Variants in SARS1 observed in about 807,000 individuals in gnomAD.
The protein encoded by SARS1 is serine--tRNA ligase, cytoplasmic.
SARS1 carries 25 observed loss-of-function variants against 63.7 expected under a neutral mutation model. That is an observed-to-expected ratio of 0.39 (90% CI 0.29 to 0.55). The LOEUF (loss-of-function observed/expected upper bound fraction) is 0.55. SARS1 is among the 20% of genes least tolerant of loss of function. The pLI, the probability that SARS1 is intolerant of heterozygous loss-of-function variation, is 0.62. For missense variants in SARS1, 417 were observed against 649.7 expected (o/e 0.64, Z 3.89); for synonymous variants, 231 against 243.5 (o/e 0.95, Z 0.48).
Position 109,214,707 on chromosome 1 carries a change from A to G in SARS1, c.136+579A>G. On this transcript the variant is annotated intron_variant, in intron 1 of 10. Transcript: ENST00000234677. This position sits in a 1 kb window ranked among gnomAD's most constrained non-coding sequence, Gnocchi z 4.6. ...CCCCCGACCTATGGGCATACCTTTA[A>G]GAATTAGAAAAGTCTTTTCCGTGGT... 1.0e-6 allele frequency: 1 copy of G among 985,520 alleles called. No homozygotes were observed. The highest frequency in any genetic ancestry group is 4.7e-5 in the South Asian group (1 of 21,298). 61.0% of individuals were successfully genotyped at this position (985,520 alleles called of 1,614,324 possible).
chr1:109,215,499 G>A, intron 1 of SARS1: 18 of 977,872 alleles, frequency 1.8e-5, no homozygotes, highest in Non-Finnish European at 2.2e-5. Context: ...TATATATGTG[G>A]ATATACATAT....
chr1:109,213,998 G>C lies in SARS1; in HGVS notation c.6G>C (p.Val2=), dbSNP rs748471347. 5.0e-6 allele frequency: 8 copies of C among 1,612,558 alleles called. No individual in the cohort carries two copies. The Admixed American group carries it at 1.0e-4, about 20-fold the overall frequency. The change falls in exon 1 of 11, where the codon GTG becomes GTC. Residue 2 remains valine (V), a synonymous_variant. Coordinates refer to ENST00000234677, the MANE Select transcript of SARS1 (RefSeq NM_006513.4). M[V]LDLDLFRVDK... is the part of the protein sequence containing the mutation. ...TTGGCCCGGGAGGAAAGAAGATGGTGCTGGATCTGGATTTGTTTCGGGTGG... is the reference window on the plus strand; with the variant it reads ...TTGGCCCGGGAGGAAAGAAGATGGTCCTGGATCTGGATTTGTTTCGGGTGG...
intron 1 of SARS1, among the ~76,000 whole-genome samples, chr1:109,218,082 A>G (rs1183432334): frequency 6.7e-6 from 1 of 149,662 alleles, no homozygotes; most frequent in Non-Finnish European, 1.5e-5. Flanking sequence ...AGTCCCAGCT[A>G]CTCGGGTGGC....
chr1:109,217,607 C>T (rs1164208879), intron 1 of SARS1, among the ~76,000 whole-genome samples: 2 of 151,594 alleles, frequency 1.3e-5, no homozygotes, highest in Admixed American at 1.3e-4. Flanking sequence ...GTTGCCTAGG[C>T]TGGAATGCAG....
chr1:109,223,038 AT>A (rs1309119101), intron 1 of SARS1, among the ~76,000 whole-genome samples: 1 of 152,094 alleles, frequency 6.6e-6, no homozygotes, highest in Non-Finnish European at 1.5e-5. Context: ...CTTGTGCTTA[AT>A]TTTTATCATA....
intron 2 of SARS1, among the ~76,000 whole-genome samples, chr1:109,226,044 G>A: frequency 6.6e-6 from 1 of 151,782 alleles, no homozygotes; most frequent in East Asian, 1.9e-4. Flanking sequence ...CCAGGCTGGA[G>A]CGCAGTGGCA....
At position 109,228,384 on chromosome 1, in the gene SARS1, C is replaced by T; in HGVS notation, c.240C>T (p.Val80=). Residue 80 remains valine, a synonymous_variant, in exon 3 of 11, where the codon GTC becomes GTT. Coordinates refer to ENST00000234677, the MANE Select transcript of SARS1 (RefSeq NM_006513.4). ...AGCCAGTGGGAGATGATGAGTCTGTCCCAGAGAATGTGCTGAGTTTCGATG... is the reference window on the plus strand; with the variant it reads ...AGCCAGTGGGAGATGATGAGTCTGTTCCAGAGAATGTGCTGAGTTTCGATG... ...KKEPVGDDES[V]PENVLSFDDL... 1 of 1,613,748 alleles carries T rather than the reference C, an allele frequency of 6.2e-7. No homozygotes were observed. Among genetic ancestry groups the T allele is most frequent in the Non-Finnish European group, 8.5e-7 (1 of 1,179,806 alleles).
chr1:109,231,071 A>G (rs886437207), intron 5 of SARS1, 50 bp downstream of exon 5: 2 of 949,428 alleles, frequency 2.1e-6, no homozygotes, highest in Non-Finnish European at 2.6e-6. Flanking sequence ...GAAACAAAAT[A>G]TATATATATA....
In SARS1 at chr1:109,231,283, G is replaced by T. The variant is rs964922646; in HGVS notation, c.591+262G>T. 7 of 265,680 alleles carry T rather than the reference G, an allele frequency of 2.6e-5. No individual in the cohort carries two copies. The Admixed American group carries it at 3.2e-4, about 12-fold the overall frequency. The allele number at this position is 265,680 out of a possible 1,614,324, so 16.5% of individuals were successfully genotyped here. A position where few individuals can be genotyped will look rare whatever the true frequency, so the allele number is the denominator to read the frequency against. On this transcript the variant is annotated intron_variant, in intron 5 of 10. Transcript: ENST00000234677. ...AATGTCTGTTTTGCTGACTGAATCA[G>T]AACAGTCTCTGCCTTTAAGTAGCTC...
At chr1:109,224,710 A>G (rs1474969074) in intron 2 of SARS1, among the ~76,000 whole-genome samples, 2 of 152,146 alleles carry the variant, frequency 1.3e-5, no homozygotes, top group South Asian at 4.1e-4. Flanking sequence ...GAAAAATACT[A>G]TGTTTCAGCT....
At chr1:109,225,812 A>G (rs1655052071) in intron 2 of SARS1, among the ~76,000 whole-genome samples, 1 of 152,224 alleles carries the variant, frequency 6.6e-6, no homozygotes, top group African/African-American at 2.4e-5. Flanking sequence ...CCTTGAGCTC[A>G]GAACTTGAAT....
chr1:109,235,161 A>C lies in SARS1; in HGVS notation c.748-49A>C. ...TTTCTTGTGGTTTCTTATTCTAGCC[A>C]AGGTCCTCCCCACTTCCTCTTAACT... is the stretch of plus-strand genomic sequence containing the variant. On this transcript the variant is annotated intron_variant, in intron 6 of 10. Transcript: ENST00000234677. This position sits in a 1 kb window ranked among gnomAD's most constrained non-coding sequence, Gnocchi z 4.7. The C allele has an allele frequency of 6.9e-7, 1 of 1,453,158 alleles. No individual in the cohort carries two copies. The highest frequency in any genetic ancestry group is 9.7e-7 in the Non-Finnish European group (1 of 1,034,494). The allele number at this position is 1,453,158 out of a possible 1,614,324, so 90.0% of individuals were successfully genotyped here. A position where few individuals can be genotyped will look rare whatever the true frequency, so the allele number is the denominator to read the frequency against.
chr1:109,229,214 GCC>G (rs1277759476), intron 3 of SARS1, among the ~76,000 whole-genome samples, 198 bp from the exon 4 acceptor site: 7 of 152,222 alleles, frequency 4.6e-5, no homozygotes, highest in Non-Finnish European at 1.0e-4. Context: ...AAAGAAAAAT[GCC>G]GATGGATTTG....
chr1:109,225,993 CT>C (rs935575627), intron 2 of SARS1, among the ~76,000 whole-genome samples: 1 of 151,970 alleles, frequency 6.6e-6, no homozygotes, highest in Non-Finnish European at 1.5e-5. Flanking sequence ...ATTTTTCCAA[CT>C]TTTTTTCTTT....
At chr1:109,219,082 C>G (rs547630262) in intron 1 of SARS1, among the ~76,000 whole-genome samples, 1 of 150,728 alleles carries the variant, frequency 6.6e-6, no homozygotes, top group Non-Finnish European at 1.5e-5. Flanking sequence ...CTGGCTAACA[C>G]GGTGAAACCC....
At chr1:109,225,284 C>A (rs909849144) in intron 2 of SARS1, among the ~76,000 whole-genome samples, 5 of 152,104 alleles carry the variant, frequency 3.3e-5, no homozygotes, top group African/African-American at 1.2e-4. Flanking sequence ...TCATGGCAGT[C>A]GGCATCTTTC....
chr1:109,222,295 A>C (rs542832280), intron 1 of SARS1, among the ~76,000 whole-genome samples: 2 of 152,226 alleles, frequency 1.3e-5, no homozygotes, highest in East Asian at 3.9e-4. Flanking sequence ...ATAACATCTT[A>C]TATAACTCTA....
intron 1 of SARS1, among the ~76,000 whole-genome samples, chr1:109,221,998 A>T (rs1557715377): frequency 9.3e-4 from 11 of 11,798 alleles, no homozygotes; most frequent in Non-Finnish European, 1.1e-3. Flanking sequence ...ATATATATAT[A>T]TATATATATA....
In SARS1 at chr1:109,235,926, C is replaced by A; in HGVS notation, c.970-51C>A. ...GGCAAGGATGTCTCCCACTTCAGTC[C>A]TTTATTCACCCTATACCGCTGTCAC... On this transcript the variant is annotated intron_variant, in intron 7 of 10. Transcript: ENST00000234677. The surrounding 1 kb of genome is among the most constrained non-coding windows in gnomAD (Gnocchi z 4.7). The A allele has an allele frequency of 1.3e-6, 2 of 1,522,626 alleles. No individual in the cohort carries two copies. Among genetic ancestry groups the A allele is most frequent in the Non-Finnish European group, 1.8e-6 (2 of 1,133,678 alleles). The allele number at this position is 1,522,626 out of a possible 1,614,324, so 94.3% of individuals were successfully genotyped here. A position where few individuals can be genotyped will look rare whatever the true frequency, so the allele number is the denominator to read the frequency against.
Sources: gnomAD v4.1 joint callset for allele counts (sites outside exome capture counted in the v4.1 genomes callset) on GRCh38, gnomAD v4.1.1 for gene constraint, Gnocchi (gnomAD v3.1) non-coding constraint, MANE v1.5 for transcripts, NCBI Gene and HGNC (gene_info 2026-07-23, HGNC 2026-07-21) for gene names.